Variants in SUN3 observed in about 807,000 individuals in gnomAD.
SUN3 encodes SUN domain-containing protein 3.
A neutral mutation model predicts 48.2 loss-of-function variants in SUN3; 36 were observed. That is an observed-to-expected ratio of 0.75 (90% CI 0.57 to 0.99). SUN3 has a LOEUF of 0.99. Among genes scored for constraint, SUN3 ranks in the 50% least tolerant of loss-of-function variants. The probability of loss-of-function intolerance (pLI) is 0.00; values close to 1 mark genes in which losing one functional copy is unlikely to be tolerated. For missense variants in SUN3, 419 were observed against 433.1 expected (o/e 0.97, Z 0.29); for synonymous variants, 148 against 147.9 (o/e 1.00, Z 0.00).
chr7:48,019,330 C>T (rs1789902254), intron 2 of SUN3, among the ~76,000 whole-genome samples: 1 of 151,656 alleles, frequency 6.6e-6, no homozygotes, highest in African/African-American at 2.4e-5. Flanking sequence ...GTTGTAAGTG[C>T]CTATATTGAA....
At chr7:47,994,569 G>A (rs1789152650) in intron 7 of SUN3, 87 bp from the exon 8 acceptor site, 2 of 1,378,750 alleles carry the variant, frequency 1.5e-6, no homozygotes, top group East Asian at 4.8e-5. Context: ...ATTGACTGCA[G>A]ATCTCTCTTA....
chr7:48,001,326 A>G (rs940102168), intron 6 of SUN3, among the ~76,000 whole-genome samples: 1 of 152,124 alleles, frequency 6.6e-6, no homozygotes, highest in Non-Finnish European at 1.5e-5. Context: ...CTTATAAGTG[A>G]GAACATGTGT....
At chr7:47,995,232 AGGT>A (rs771197013) in intron 7 of SUN3, among the ~76,000 whole-genome samples, 25 of 139,628 alleles carry the variant, frequency 1.8e-4, no homozygotes, top group Admixed American at 4.2e-4. Flanking sequence ...AAAGATGGTG[AGGT>A]GGTGGTGGTG....
intron 5 of SUN3, among the ~76,000 whole-genome samples, chr7:48,006,817 A>G (rs1789537484): frequency 6.6e-6 from 1 of 152,252 alleles, no homozygotes; most frequent in African/African-American, 2.4e-5. Flanking sequence ...TAGACTAACT[A>G]CATTAGCTAT....
At chr7:48,027,141 G>T (rs1790158643) in intron 1 of SUN3, among the ~76,000 whole-genome samples, 2 of 152,202 alleles carry the variant, frequency 1.3e-5, no homozygotes, top group South Asian at 4.1e-4. Flanking sequence ...TCTTAAGTCT[G>T]TGAGAGTCAA....
Position 48,017,324 on chromosome 7 carries a change from G to C in SUN3, c.226C>G (p.Gln76Glu). The change falls in exon 3 of 10, where the codon CAG becomes GAG. Residue 76 changes from glutamine (Q) to glutamate (E), a missense_variant. Transcript: ENST00000297325. Reference protein sequence around the residue: ...HQWLKETDVPQKSRQLYAIIA... With the variant: ...HQWLKETDVPEKSRQLYAIIA... ...ATGGCATATAATTGTCTGGATTTCT[G>C]AGGAACATCTGTTTCTTTAAGCCAC... 6.2e-7 allele frequency: 1 copy of C among 1,610,152 alleles called. No individual in the cohort carries two copies. Among genetic ancestry groups the C allele is most frequent in the Non-Finnish European group, 8.5e-7 (1 of 1,177,638 alleles).
chr7:48,004,657 A>G (rs1789474863), intron 6 of SUN3, among the ~76,000 whole-genome samples: 1 of 152,234 alleles, frequency 6.6e-6, no homozygotes, highest in Admixed American at 6.5e-5. Context: ...TCTCTGGCCC[A>G]CAGGACTACT....
the SUN3 span, chr7:48,035,530 G>T: frequency 4.3e-6 from 3 of 697,568 alleles, no homozygotes; most frequent in African/African-American, 5.3e-5. This position sits in a 1 kb window ranked among gnomAD's most constrained non-coding sequence, Gnocchi z 4.0. Flanking sequence ...GTTCCGCGGC[G>T]CGCTGGGAGT....
intron 8 of SUN3, among the ~76,000 whole-genome samples, chr7:47,993,917 A>G (rs951454965): frequency 7.3e-5 from 11 of 151,444 alleles, no homozygotes; most frequent in Non-Finnish European, 1.2e-4. Context: ...TTCATTTTCA[A>G]TGAGAGGATG....
rs758267101 is a variant in SUN3 at position 48,009,031 on chromosome 7, T to C, written c.329+4A>G. 1.2e-6 allele frequency: 2 copies of C among 1,611,192 alleles called. No individual in the cohort carries two copies. The highest frequency in any genetic ancestry group is 1.7e-6 in the Non-Finnish European group (2 of 1,178,910). ...AGAGGCATATAGCAAAAGATCGCAC[T>C]CACTTTAAAAGTTCCAGTTGCTCTT... On this transcript the variant is annotated splice_donor_region_variant and intron_variant, in intron 4 of 9. Transcript: ENST00000297325.
chr7:48,022,374 TA>T (rs374845391), intron 2 of SUN3, among the ~76,000 whole-genome samples: 11 of 152,044 alleles, frequency 7.2e-5, no homozygotes, highest in African/African-American at 2.4e-4. Context: ...GTGACTACAG[TA>T]AAAAATTACT....
chr7:47,991,809 T>C (rs1160195768), intron 8 of SUN3, among the ~76,000 whole-genome samples: 2 of 150,390 alleles, frequency 1.3e-5, no homozygotes, highest in Non-Finnish European at 3.0e-5. Flanking sequence ...TGAGGGGGAG[T>C]GTGGGGGAAA....
intron 7 of SUN3, 44 bp downstream of exon 7, chr7:47,995,987 C>A: frequency 8.0e-7 from 1 of 1,255,378 alleles, no homozygotes; most frequent in Non-Finnish European, 1.1e-6. Flanking sequence ...ATAATAAGAA[C>A]AAAATTCTAA....
upstream of SUN3, among the ~76,000 whole-genome samples, chr7:48,030,468 T>C (rs1264654483): frequency 6.6e-6 from 1 of 152,246 alleles, no homozygotes; most frequent in Non-Finnish European, 1.5e-5. Context: ...TGTGACATTG[T>C]ATTATATATG....
At chr7:48,031,577 T>C (rs1699912211), upstream of SUN3, among the ~76,000 whole-genome samples, 1 of 152,156 alleles carries the variant, frequency 6.6e-6, no homozygotes, top group Non-Finnish European at 1.5e-5. Flanking sequence ...AGAGAAAATG[T>C]AACCCTTGTA....
At chr7:48,008,604 G>A (rs1721206105) in intron 4 of SUN3, among the ~76,000 whole-genome samples, 1 of 152,180 alleles carries the variant, frequency 6.6e-6, no homozygotes, top group South Asian at 2.1e-4. Context: ...GTAGAAATAT[G>A]TAAAAGGACA....
At chr7:48,009,331 C>T (rs967728349) in intron 3 of SUN3, among the ~76,000 whole-genome samples, 1 of 152,032 alleles carries the variant, frequency 6.6e-6, no homozygotes, top group African/African-American at 2.4e-5. Flanking sequence ...TGGATGGGCA[C>T]ATCATTTCCT....
rs1159457411 is a variant in SUN3, at chr7:48,006,023, T to G, written c.523A>C (p.Lys175Gln). 7 of 1,613,260 alleles carry G rather than the reference T, an allele frequency of 4.3e-6. No homozygotes were observed. Among genetic ancestry groups the G allele is most frequent in the Non-Finnish European group, 5.9e-6 (7 of 1,179,518 alleles). The change falls in exon 6 of 10, where the codon AAA (lysine) becomes CAA (glutamine). Residue 175 changes from lysine to glutamine, a missense_variant. Coordinates refer to ENST00000297325, the MANE Select transcript of SUN3 (RefSeq NM_001030019.2). ...TCGACTTGGTCTTCTCTCAACTTTTTAAGTACATAATTGACCAAGTTTGAC... is the reference window on the plus strand; with the variant it reads ...TCGACTTGGTCTTCTCTCAACTTTTGAAGTACATAATTGACCAAGTTTGAC... ...EVSNLVNYVL[K>Q]KLREDQVEMA...
At chr7:47,994,550 C>T (rs887097560) in intron 7 of SUN3, 68 bp from the exon 8 acceptor site, 32 of 1,468,746 alleles carry the variant, frequency 2.2e-5, no homozygotes, top group African/African-American at 5.7e-5. Context: ...TACTGGTCAG[C>T]TAATCACTAT....
Sources: allele counts gnomAD v4.1 joint callset (sites outside exome capture counted in the v4.1 genomes callset), GRCh38; gene constraint gnomAD v4.1.1; non-coding constraint Gnocchi (gnomAD v3.1); transcripts MANE v1.5; gene names NCBI Gene and HGNC (gene_info 2026-07-23, HGNC 2026-07-21).